The following STARD13 variants were observed in gnomAD, a reference collection of about 807,000 sequenced individuals.
The protein encoded by STARD13 is StAR related lipid transfer domain containing 13, also known as stAR-related lipid transfer protein 13.
STARD13 carries 62 observed loss-of-function variants against 106.4 expected under a neutral mutation model. The observed-to-expected ratio is 0.58, with a 90% CI of 0.48 to 0.72. The LOEUF (loss-of-function observed/expected upper bound fraction) is 0.72, where lower values mean the gene tolerates loss of function less well. Among genes scored for constraint, STARD13 ranks in the 30% least tolerant of loss-of-function variants. STARD13 has a pLI of 0.00. For missense variants in STARD13, 1,387 were observed against 1,424.0 expected (o/e 0.97, Z 0.42); for synonymous variants, 565 against 553.0 (o/e 1.02, Z -0.31).
At chr13:33,105,734 G>A (rs575282603) in intron 13 of STARD13, 24 bp from the exon 14 acceptor site, 18 of 1,584,544 alleles carry the variant, frequency 1.1e-5, no homozygotes, top group Non-Finnish European at 1.5e-5. Context: ...AATCAGAAAG[G>A]AAGTGGGAAA....
chr13:33,374,350 G>C, the STARD13 span, among the ~76,000 whole-genome samples: 1 of 152,126 alleles, frequency 6.6e-6, no homozygotes, highest in African/African-American at 2.4e-5. Context: ...TCTGGAGATG[G>C]ATAGTGGTGA....
the STARD13 span, among the ~76,000 whole-genome samples, chr13:33,645,621 T>C: frequency 6.6e-6 from 1 of 152,222 alleles, no homozygotes; most frequent in African/African-American, 2.4e-5. Flanking sequence ...GCAGCCAAAG[T>C]CTAAAGGGAT....
the STARD13 span, among the ~76,000 whole-genome samples, chr13:33,460,765 C>A: frequency 6.6e-6 from 1 of 151,620 alleles, no homozygotes; most frequent in Non-Finnish European, 1.5e-5. Flanking sequence ...CCAAAATGAA[C>A]AACATCTTTC....
the STARD13 span, among the ~76,000 whole-genome samples, chr13:33,536,127 T>G: frequency 6.6e-6 from 1 of 152,174 alleles, no homozygotes; most frequent in Admixed American, 6.5e-5. Context: ...CAATCCTCAG[T>G]GATACAGTTA....
chr13:33,126,123 A>C lies in STARD13; in HGVS notation c.2040T>G (p.Ile680Met). The change falls in exon 7 of 14, where the codon ATT becomes ATG. Residue 680 changes from isoleucine to methionine, a missense_variant. Coordinates refer to ENST00000336934, the MANE Select transcript of STARD13 (RefSeq NM_178006.4). Reference sequence around the variant, plus strand: ...TGCGTAGATATCTCAGTGCTTGCTGAATACTTTGAGGCAGGGGCTGTCCCG... The same window carrying C: ...TGCGTAGATATCTCAGTGCTTGCTGCATACTTTGAGGCAGGGGCTGTCCCG... ...QRTGQPLPQS[I>M]QQALRYLRSN... 1 of 1,614,124 alleles carries C rather than the reference A, an allele frequency of 6.2e-7. No homozygotes were observed.
the STARD13 span, among the ~76,000 whole-genome samples, chr13:33,557,769 A>G: frequency 1.3e-5 from 2 of 152,206 alleles, no homozygotes; most frequent in Admixed American, 6.5e-5. Context: ...AAGCCAAGGT[A>G]TAAGTCCTTG....
chr13:33,291,325 G>A (rs541432169), intron 1 of STARD13, among the ~76,000 whole-genome samples: 23 of 152,230 alleles, frequency 1.5e-4, no homozygotes, highest in Admixed American at 1.0e-3. Flanking sequence ...GTAGTCTCAC[G>A]TTTTTTTCCA....
At chr13:33,433,953 T>C in the STARD13 span, among the ~76,000 whole-genome samples, 1 of 152,072 alleles carries the variant, frequency 6.6e-6, no homozygotes, top group Non-Finnish European at 1.5e-5. Flanking sequence ...CCATACACAG[T>C]AGTAGAAGTT....
the STARD13 span, among the ~76,000 whole-genome samples, chr13:33,544,745 G>GT: frequency 2.7e-5 from 4 of 147,178 alleles, no homozygotes; most frequent in African/African-American, 9.9e-5. Context: ...AAGGTGCATG[G>GT]TTTTGTTTTT....
chr13:33,618,964 A>C, the STARD13 span, among the ~76,000 whole-genome samples: 1 of 151,920 alleles, frequency 6.6e-6, no homozygotes, highest in Non-Finnish European at 1.5e-5. Flanking sequence ...TGGCCAAGGG[A>C]TATACCGTGC....
At chr13:33,259,647 G>A (rs1201166552) in intron 1 of STARD13, among the ~76,000 whole-genome samples, 1 of 152,162 alleles carries the variant, frequency 6.6e-6, no homozygotes, top group Admixed American at 6.5e-5. Context: ...TGGTTCAGTT[G>A]GGCCTAGGAA....
At chr13:33,204,590 T>C (rs1887281946) in intron 1 of STARD13, among the ~76,000 whole-genome samples, 1 of 152,228 alleles carries the variant, frequency 6.6e-6, no homozygotes, top group Non-Finnish European at 1.5e-5. Flanking sequence ...TCAAAGGTGC[T>C]AAGAACACTA....
the STARD13 span, among the ~76,000 whole-genome samples, chr13:33,389,830 G>A: frequency 1.3e-5 from 2 of 152,118 alleles, no homozygotes; most frequent in African/African-American, 4.8e-5. Context: ...AAGGTAATCT[G>A]TAATTATGCT....
At chr13:33,244,779 C>A (rs1363563829) in intron 1 of STARD13, among the ~76,000 whole-genome samples, 1 of 152,126 alleles carries the variant, frequency 6.6e-6, no homozygotes, top group African/African-American at 2.4e-5. Context: ...CATCAAGTTG[C>A]CAATGAATTG....
chr13:33,625,576 TAAATA>T, the STARD13 span, among the ~76,000 whole-genome samples: 1 of 151,220 alleles, frequency 6.6e-6, no homozygotes, highest in African/African-American at 2.4e-5. Flanking sequence ...CAAAAATAAA[TAAATA>T]AAATAAAAAA....
chr13:33,464,779 G>T, the STARD13 span, among the ~76,000 whole-genome samples: 1 of 152,114 alleles, frequency 6.6e-6, no homozygotes, highest in Non-Finnish European at 1.5e-5. Context: ...AACTCGGAAG[G>T]CGGAGGTTGC....
chr13:33,343,644 ACC>A (rs2077988439), downstream of STARD13, among the ~76,000 whole-genome samples: 1 of 149,312 alleles, frequency 6.7e-6, no homozygotes, highest in Non-Finnish European at 1.5e-5. Flanking sequence ...CCAACAACCA[ACC>A]TGTTATTGTC....
the STARD13 span, among the ~76,000 whole-genome samples, chr13:33,383,958 G>A: frequency 1.3e-5 from 2 of 152,020 alleles, no homozygotes; most frequent in African/African-American, 4.8e-5. Flanking sequence ...CAGGGAGCTC[G>A]TTCAAGGGCA....
At chr13:33,278,543 T>C (rs1037923769) in intron 1 of STARD13, 1 of 152,100 alleles carries the variant, frequency 6.6e-6, no homozygotes. Context: ...GCAGGCATGG[T>C]TGAAGGCACC....
Sources: allele counts gnomAD v4.1 joint callset (sites outside exome capture counted in the v4.1 genomes callset), GRCh38; gene constraint gnomAD v4.1.1; transcripts MANE v1.5; gene names NCBI Gene and HGNC (gene_info 2026-07-23, HGNC 2026-07-21).